FGF1: variants seen among roughly 807,000 people sequenced by gnomAD.
FGF1 encodes the protein fibroblast growth factor 1.
In FGF1, 9 loss-of-function variants were observed where a neutral mutation model predicts 13.4. The ratio of observed to expected loss-of-function variants is 0.67; its 90% CI spans 0.40 to 1.17. The LOEUF is 1.17. Ranked by LOEUF, FGF1 falls within the 50% of genes most tolerant of loss-of-function variation. The pLI is 0.01. For synonymous variants in FGF1, 93 were observed against 79.0 expected (o/e 1.18, Z -0.94); for missense variants, 156 against 192.7 (o/e 0.81, Z 1.13).
At chr5:142,629,154 CA>C (rs1765317575) in intron 1 of FGF1, among the ~76,000 whole-genome samples, 1 of 151,966 alleles carries the variant, frequency 6.6e-6, no homozygotes. Context: ...GCTTGATTTG[CA>C]AAAATTATTT....
In FGF1 at chr5:142,595,187, C is replaced by A; in HGVS notation, c.*103G>T. The A allele has an allele frequency of 1.1e-6, 1 of 916,972 alleles. No individual in the cohort carries two copies. The highest frequency in any genetic ancestry group is 1.7e-6 in the Non-Finnish European group (1 of 596,250). The allele number at this position is 916,972 out of a possible 1,614,324, so 56.8% of individuals were successfully genotyped here. On this transcript the variant is annotated 3_prime_UTR_variant, in exon 4 of 4. Transcript: ENST00000337706. ...TGCTTACAAATTCAGGCTCTGTGGGCTGGGGGTTAGCGCAGCCAATGGTCA... is the reference window on the plus strand; with the variant it reads ...TGCTTACAAATTCAGGCTCTGTGGGATGGGGGTTAGCGCAGCCAATGGTCA...
upstream of FGF1, among the ~76,000 whole-genome samples, chr5:142,687,086 A>G (rs1436478660): frequency 6.6e-6 from 1 of 152,018 alleles, no homozygotes; most frequent in Non-Finnish European, 1.5e-5. Flanking sequence ...GCTCCTGCTT[A>G]TGCAGGCGTT....
At chr5:142,627,932 T>C (rs1216479235) in intron 1 of FGF1, among the ~76,000 whole-genome samples, 1 of 152,200 alleles carries the variant, frequency 6.6e-6, no homozygotes, top group Non-Finnish European at 1.5e-5. Context: ...GTTTGCTCCC[T>C]GTTTCAGCAC....
At position 142,593,893 on chromosome 5, in the gene FGF1, G is replaced by A. The variant is rs529757070; in HGVS notation, c.*1397C>T. 9.8e-5 allele frequency: 15 copies of A among 152,740 alleles called. No homozygotes were observed. Among genetic ancestry groups the A allele is most frequent in the African/African-American group, 3.1e-4 (13 of 41,558 alleles). 9.5% of individuals were successfully genotyped at this position (152,740 alleles called of 1,614,324 possible). A position where few individuals can be genotyped will look rare whatever the true frequency, so the allele number is the denominator to read the frequency against. On this transcript the variant is annotated 3_prime_UTR_variant, in exon 4 of 4. Transcript: ENST00000337706. ...CTAATTTGCTAGCCACCTGGGTCAA[G>A]TTTAAGCAGGAAGTGTATTTATACA... is the stretch of plus-strand genomic sequence containing the variant.
intron 1 of FGF1, among the ~76,000 whole-genome samples, chr5:142,647,181 G>A (rs1256464497): frequency 6.6e-6 from 1 of 152,166 alleles, no homozygotes; most frequent in Non-Finnish European, 1.5e-5. Context: ...AAGGCTCTCT[G>A]CCATTTCTCA....
intron 1 of FGF1, among the ~76,000 whole-genome samples, chr5:142,681,378 C>G (rs1773662346): frequency 6.6e-6 from 1 of 152,114 alleles, no homozygotes; most frequent in Admixed American, 6.5e-5. Context: ...GTGCTTGGGG[C>G]TCTGTTGTTA....
Position 142,609,806 on chromosome 5 carries a change from C to T in FGF1, c.169+4153G>A, listed in dbSNP as rs146858082. Among the ~76,000 whole-genome samples, 468 of 152,278 alleles carry T rather than the reference C, an allele frequency of 3.1e-3. 1 individual carries two copies. The highest frequency in any genetic ancestry group is 0.011 in the African/African-American group (447 of 41,548). On this transcript the variant is annotated intron_variant, in intron 2 of 3. Coordinates refer to ENST00000337706, the MANE Select transcript of FGF1 (RefSeq NM_000800.5). ...AAACATTATCACATTAAAACTCCTA[C>T]GTTCCTATGAGTGGGTGCTGTTGTC... is the stretch of plus-strand genomic sequence containing the variant.
intron 1 of FGF1, among the ~76,000 whole-genome samples, chr5:142,666,966 GA>G (rs535097230): frequency 4.1e-4 from 59 of 144,592 alleles, no homozygotes; most frequent in African/African-American, 1.3e-3. Flanking sequence ...GAAAGAGACA[GA>G]AAAAAAAAAG....
chr5:142,669,096 C>G (rs1046538688), intron 1 of FGF1, among the ~76,000 whole-genome samples: 61 of 152,350 alleles, frequency 4.0e-4, no homozygotes, highest in African/African-American at 1.3e-3. Flanking sequence ...CAGGGACACA[C>G]AGGGTTAGTG....
At chr5:142,668,651 C>T (rs1411955096) in intron 1 of FGF1, among the ~76,000 whole-genome samples, 2 of 152,212 alleles carry the variant, frequency 1.3e-5, no homozygotes, top group Non-Finnish European at 2.9e-5. Context: ...CAGTGATATA[C>T]CTACCTCACG....
chr5:142,657,074 C>T (rs571471936), intron 1 of FGF1, among the ~76,000 whole-genome samples: 19 of 149,432 alleles, frequency 1.3e-4, no homozygotes, highest in Non-Finnish European at 2.8e-4. Context: ...TGTGCCACCA[C>T]GCCCAGCTAA....
chr5:142,685,761 A>C (rs895885587), intron 1 of FGF1, 196 bp downstream of exon 1: 7 of 152,118 alleles, frequency 4.6e-5, no homozygotes, highest in African/African-American at 1.4e-4. Context: ...AACCCAGCCA[A>C]AGGTGAGCTT....
intron 1 of FGF1, among the ~76,000 whole-genome samples, chr5:142,624,111 G>A (rs1762089842): frequency 6.6e-6 from 1 of 151,992 alleles, no homozygotes; most frequent in Non-Finnish European, 1.5e-5. Context: ...GTAGAGACGG[G>A]GTTTCACCAC....
Position 142,615,372 on chromosome 5 carries a change from C to A in FGF1, c.-34-1211G>T, listed in dbSNP as rs142932426. The stretch of plus-strand genomic sequence containing the variant: ...CCAAGTAGCTGAGATTACAGGAATG[C>A]GCCACCACACCAGGCTAATTTTTAT... On this transcript the variant is annotated intron_variant, in intron 1 of 3. Coordinates refer to ENST00000337706, the MANE Select transcript of FGF1 (RefSeq NM_000800.5). 2.0e-5 allele frequency among the ~76,000 whole-genome samples: 3 copies of A among 152,234 alleles called. No individual in the cohort carries two copies. The East Asian group carries it at 5.8e-4, about 29-fold the overall frequency.
chr5:142,649,898 C>T (rs1766904507), intron 1 of FGF1, among the ~76,000 whole-genome samples: 1 of 152,136 alleles, frequency 6.6e-6, no homozygotes, highest in South Asian at 2.1e-4. Flanking sequence ...TGGTGTTTGC[C>T]AAAGTATGAC....
intron 1 of FGF1, among the ~76,000 whole-genome samples, chr5:142,645,867 AT>A (rs1765952048): frequency 6.6e-6 from 1 of 151,908 alleles, no homozygotes; most frequent in Non-Finnish European, 1.5e-5. Context: ...GTCACTGCTC[AT>A]TTCTATCTTG....
At chr5:142,607,475 C>G (rs555868413) in intron 2 of FGF1, among the ~76,000 whole-genome samples, 14 of 152,214 alleles carry the variant, frequency 9.2e-5, no homozygotes, top group African/African-American at 3.4e-4. Flanking sequence ...CTTCATTTTC[C>G]CCTTCTGAAA....
chr5:142,653,212 C>A (rs1369307986), intron 1 of FGF1, among the ~76,000 whole-genome samples: 1 of 152,174 alleles, frequency 6.6e-6, no homozygotes, highest in Non-Finnish European at 1.5e-5. Context: ...ACACATCCGA[C>A]CTGAGCCAGC....
intron 1 of FGF1, among the ~76,000 whole-genome samples, chr5:142,649,810 G>C (rs766670291): frequency 2.6e-5 from 4 of 152,070 alleles, no homozygotes; most frequent in Non-Finnish European, 4.4e-5. Context: ...TAAACTTTCT[G>C]ACTTTTGTTT....
Sources: gnomAD v4.1 joint callset for allele counts (sites outside exome capture counted in the v4.1 genomes callset) on GRCh38, gnomAD v4.1.1 for gene constraint, MANE v1.5 for transcripts, NCBI Gene and HGNC (gene_info 2026-07-23, HGNC 2026-07-21) for gene names.